Variants in TPR observed in about 807,000 individuals in gnomAD.
TPR encodes the protein nucleoprotein TPR.
TPR carries 51 observed loss-of-function variants against 316.1 expected under a neutral mutation model. The observed-to-expected ratio is 0.16, with a 90% confidence interval of 0.13 to 0.20. TPR has a LOEUF of 0.20. Ranked by LOEUF, TPR falls within the 10% of genes least tolerant of loss-of-function variation. TPR has a pLI of 1.00. For synonymous variants in TPR, 981 were observed against 914.7 expected, an observed-to-expected ratio of 1.07 and a Z score of -1.31; for missense variants, 2,272 against 2,754.8, an observed-to-expected ratio of 0.82 and a Z score of 3.92.
At chr1:186,339,594 AT>A in intron 30 of TPR, 47 bp downstream of exon 30, 1 of 1,393,852 alleles carries the variant, frequency 7.2e-7, no homozygotes, top group Non-Finnish European at 9.4e-7. Flanking sequence ...AATAAGTAAA[AT>A]AAACTTCTTT....
rs772266475 is a variant in TPR, at chr1:186,347,413, A to T, written c.2822T>A (p.Leu941Gln). Reference sequence around the variant, plus strand: ...ATTCACCTGCTCTTCTGTCTGTCTTAGCTGACTCACAAGATCATCCACATC... The same window carrying T: ...ATTCACCTGCTCTTCTGTCTGTCTTTGCTGACTCACAAGATCATCCACATC... ...KEDVDDLVSQ[L>Q]RQTEEQVNDL... is the part of the protein sequence containing the mutation. Residue 941 changes from leucine (L) to glutamine (Q), a missense_variant, in exon 22 of 51, where the codon CTA (leucine) becomes CAA (glutamine). Around this residue, in one of 10 missense-constraint regions of TPR, gnomAD observed 757 missense variants for 859.8 expected, o/e 0.88. Transcript: ENST00000367478. 2 of 1,614,040 alleles carry T rather than the reference A, an allele frequency of 1.2e-6. No individual in the cohort carries two copies.
At chr1:186,320,717 T>C (rs977042294) in intron 45 of TPR, among the ~76,000 whole-genome samples, 1 of 152,178 alleles carries the variant, frequency 6.6e-6, no homozygotes, top group Non-Finnish European at 1.5e-5. Context: ...ATAGATAAAC[T>C]GAAAGCAACA....
chr1:186,337,559 T>G (rs573401684), intron 31 of TPR, among the ~76,000 whole-genome samples: 1 of 152,286 alleles, frequency 6.6e-6, no homozygotes, highest in Non-Finnish European at 1.5e-5. Context: ...TGAATTTTTT[T>G]TCTTTATATT....
chr1:186,362,956 G>C lies in TPR; in HGVS notation c.577C>G (p.Gln193Glu). 1 of 1,608,200 alleles carries C rather than the reference G, an allele frequency of 6.2e-7. No individual in the cohort carries two copies. ...AACTCTGTATTCAGCCATGTATTCT[G>C]ACTATGTAGCAATTCCTTTTCTTGC... ...LEQEKELLHS[Q>E]NTWLNTELKT... Residue 193 changes from glutamine to glutamate, a missense_variant, in exon 6 of 51, where the codon CAG becomes GAG. Gln to Glu is a conservative substitution (Grantham distance 29). Coordinates refer to ENST00000367478, the MANE Select transcript of TPR (RefSeq NM_003292.3).
At chr1:186,344,674 T>A in intron 24 of TPR, 96 bp from the exon 25 acceptor site, 1 of 910,998 alleles carries the variant, frequency 1.1e-6, no homozygotes, top group South Asian at 3.7e-5. Context: ...TTTTAAATAA[T>A]AAAAGTAAAG....
rs1371203706 is a variant in TPR at position 186,312,328 on chromosome 1, T to C, written c.*1643A>G. ...ATAGGACCTTCTCAAACACACACCA[T>C]CAGAATTCAATATTCACCTGCCAGA... is the stretch of plus-strand genomic sequence containing the variant. On this transcript the variant is annotated 3_prime_UTR_variant, in exon 51 of 51. Transcript: ENST00000367478. 5.0e-6 allele frequency: 8 copies of C among 1,610,384 alleles called. No individual in the cohort carries two copies. In the South Asian group the frequency reaches 7.8e-5, roughly 16 times the overall value.
At position 186,359,887 on chromosome 1, in the gene TPR, G is replaced by A. The variant is rs1237454552; in HGVS notation, c.1301C>T (p.Ala434Val). ...DEIVKEVEAK[A>V]PILKRQREEY... ...CTCACGCTGGCGTTTCAAAATTGGT[G>A]CTTTGGCTTCCACTTCTTTCACTAT... Residue 434 changes from alanine (A) to valine (V), a missense_variant, in exon 12 of 51, where the codon GCA becomes GTA. This residue lies in a region of TPR where 549 missense variants were observed against 598.6 expected (regional missense o/e 0.92). Transcript: ENST00000367478. The A allele has an allele frequency of 6.2e-7, 1 of 1,606,316 alleles. No homozygotes were observed. Among genetic ancestry groups the A allele is most frequent in the East Asian group, 2.2e-5 (1 of 44,718 alleles).
rs1242967654 is a variant in TPR at position 186,322,396 on chromosome 1, T to A, written c.6383A>T (p.Asp2128Val). 1 of 1,612,990 alleles carries A rather than the reference T, an allele frequency of 6.2e-7. No homozygotes were observed. ...GIGGMQQHFF[D>V]DEDRTVPSTP... ...ACTTGGAACTGTTCTGTCTTCATCATCAAAAAAATGCTGTTGCTAAAACAA... is the reference window on the plus strand; with the variant it reads ...ACTTGGAACTGTTCTGTCTTCATCAACAAAAAAATGCTGTTGCTAAAACAA... Residue 2128 changes from aspartate to valine, a missense_variant, in exon 45 of 51, where the codon GAT becomes GTT. Transcript: ENST00000367478.
At position 186,359,893 on chromosome 1, in the gene TPR, GCTTCCA is replaced by G; in HGVS notation, c.1289_1294del (p.Val430_Glu431del). 1 of 1,606,086 alleles carries G rather than the reference GCTTCCA, an allele frequency of 6.2e-7. No homozygotes were observed. The highest frequency in any genetic ancestry group is 8.5e-7 in the Non-Finnish European group (1 of 1,177,968). On this transcript the variant is annotated inframe_deletion, in exon 12 of 51. Coordinates refer to ENST00000367478, the MANE Select transcript of TPR (RefSeq NM_003292.3). ...CTGGCGTTTCAAAATTGGTGCTTTG[GCTTCCA>G]CTTCTTTCACTATTTCATCTAGGTA...
intron 43 of TPR, 190 bp from the exon 44 acceptor site, chr1:186,322,776 T>G (rs1436536085): frequency 5.2e-6 from 3 of 579,482 alleles, no homozygotes; most frequent in Non-Finnish European, 9.2e-6. Context: ...TTATAGTCTA[T>G]AATATTAACC....
At chr1:186,339,536 T>C (rs1424092066) in intron 30 of TPR, 106 bp downstream of exon 30, 2 of 973,234 alleles carry the variant, frequency 2.1e-6, no homozygotes, top group Non-Finnish European at 1.4e-6. Context: ...GCTCTAGCAC[T>C]TTCCATTCTT....
Position 186,332,176 on chromosome 1 carries a change from C to A in TPR, c.5604+19G>T. On this transcript the variant is annotated intron_variant, in intron 38 of 50. Transcript: ENST00000367478. ...CTCTACTGGTAAAAGTTAAAATACACAGAAAGAACTTTACGCACCTCAGTT... is the reference window on the plus strand; with the variant it reads ...CTCTACTGGTAAAAGTTAAAATACAAAGAAAGAACTTTACGCACCTCAGTT... 1.3e-6 allele frequency: 2 copies of A among 1,592,216 alleles called. No individual in the cohort carries two copies. The highest frequency in any genetic ancestry group is 1.7e-6 in the Non-Finnish European group (2 of 1,170,138).
chr1:186,344,623 A>C (rs755267501), intron 24 of TPR, 45 bp from the exon 25 acceptor site: 1 of 1,418,632 alleles, frequency 7.0e-7, no homozygotes, highest in East Asian at 2.4e-5. Context: ...TTAAAAATCC[A>C]TAAAACTAGT....
intron 18 of TPR, 64 bp from the exon 19 acceptor site, chr1:186,352,174 A>ATAAAAT (rs750279083): frequency 1.4e-6 from 2 of 1,450,850 alleles, no homozygotes; most frequent in Non-Finnish European, 1.8e-6. Context: ...TATTAAGATT[A>ATAAAAT]TAAAATTAAA....
chr1:186,344,413 A>G lies in TPR; in HGVS notation c.3379T>C (p.Cys1127Arg). 2 of 1,614,022 alleles carry G rather than the reference A, an allele frequency of 1.2e-6. No individual in the cohort carries two copies. Among genetic ancestry groups the G allele is most frequent in the Non-Finnish European group, 8.5e-7 (1 of 1,179,964 alleles). ...TCTCTTTCCTCCCAAGATGCTTTAC[A>G]CTCCAACAACTGTGATTCTGCTTTC... is the stretch of plus-strand genomic sequence containing the variant. ...TQKAESQLLE[C>R]KASWEERERM... The change falls in exon 25 of 51, where the codon TGT becomes CGT. Residue 1127 changes from cysteine to arginine, a missense_variant. By Grantham distance (180) the Cys-to-Arg change is radical. Around this residue, in one of 10 missense-constraint regions of TPR, gnomAD observed 757 missense variants for 859.8 expected, o/e 0.88. Transcript: ENST00000367478.
At chr1:186,361,907 A>C in intron 7 of TPR, 38 bp from the exon 8 acceptor site, 1 of 1,588,048 alleles carries the variant, frequency 6.3e-7, no homozygotes, top group East Asian at 2.2e-5. Flanking sequence ...TCTACTTTGA[A>C]CTAAATTTAG....
chr1:186,371,702 T>G (rs748580319), intron 2 of TPR, among the ~76,000 whole-genome samples: 2 of 152,204 alleles, frequency 1.3e-5, no homozygotes, highest in African/African-American at 2.4e-5. Flanking sequence ...GGCAATTTAA[T>G]AAGCAAATAC....
At chr1:186,319,542 A>G (rs1021399283) in intron 46 of TPR, among the ~76,000 whole-genome samples, 11 of 152,328 alleles carry the variant, frequency 7.2e-5, no homozygotes, top group African/African-American at 2.4e-4. Flanking sequence ...ACAAAATCAC[A>G]TAACATTTTA....
chr1:186,336,955 T>C (rs1658356922), intron 32 of TPR, 58 bp downstream of exon 32: 1 of 1,604,536 alleles, frequency 6.2e-7, no homozygotes, highest in Non-Finnish European at 8.5e-7. Flanking sequence ...AGTTAACACA[T>C]ATTTCTTTAG....
Sources: gnomAD v4.1 joint callset for allele counts (sites outside exome capture counted in the v4.1 genomes callset) on GRCh38, gnomAD v4.1.1 for gene constraint, gnomAD v4.1.1 regional missense constraint, MANE v1.5 for transcripts, NCBI Gene and HGNC (gene_info 2026-07-23, HGNC 2026-07-21) for gene names.